Variants in PPP2R3A observed in about 807,000 individuals in gnomAD.
The protein encoded by PPP2R3A is serine/threonine-protein phosphatase 2A regulatory subunit B'' subunit alpha.
A neutral mutation model predicts 106.9 loss-of-function variants in PPP2R3A; 80 were observed. The ratio of observed to expected loss-of-function variants is 0.75; its 90% CI spans 0.62 to 0.90. The LOEUF (loss-of-function observed/expected upper bound fraction) is 0.90. Among genes scored for constraint, PPP2R3A ranks in the 40% least tolerant of loss-of-function variants. PPP2R3A has a pLI of 0.00. For synonymous variants in PPP2R3A, 483 were observed against 468.3 expected (o/e 1.03, Z -0.41); for missense variants, 1,386 against 1,350.4 (o/e 1.03, Z -0.41).
At chr3:135,985,566 C>T (rs555789167) in intron 1 of PPP2R3A, among the ~76,000 whole-genome samples, 2 of 152,258 alleles carry the variant, frequency 1.3e-5, no homozygotes, top group Admixed American at 1.3e-4. Context: ...AGAGAGTAGT[C>T]TTACACCTAA....
At chr3:135,975,505 C>G (rs1937394207) in intron 1 of PPP2R3A, among the ~76,000 whole-genome samples, 1 of 152,150 alleles carries the variant, frequency 6.6e-6, no homozygotes, top group African/African-American at 2.4e-5. Context: ...TAAATACAGT[C>G]TCTTTGCTTT....
chr3:136,011,038 T>C (rs1009869449), intron 2 of PPP2R3A, among the ~76,000 whole-genome samples: 3 of 152,134 alleles, frequency 2.0e-5, no homozygotes, highest in Non-Finnish European at 2.9e-5. Context: ...CTCCTCTTTC[T>C]AAATATACCA....
Position 136,070,676 on chromosome 3 carries a change from G to C in PPP2R3A, c.2544+124G>C, listed in dbSNP as rs956465056. The C allele has an allele frequency of 1.0e-5, 7 of 674,214 alleles. No homozygotes were observed. In the Admixed American group the frequency reaches 2.8e-4, roughly 27 times the overall value. The allele number at this position is 674,214 out of a possible 1,614,324, so 41.8% of individuals were successfully genotyped here. The stretch of plus-strand genomic sequence containing the variant: ...TGGGTTATAATGATTATTTCAAGTG[G>C]AAGGAAGCTAAAATAAAATTGAATT... On this transcript the variant is annotated intron_variant, in intron 6 of 13. Coordinates refer to ENST00000264977, the MANE Select transcript of PPP2R3A (RefSeq NM_002718.5).
At chr3:136,142,712 T>C (rs1270666330) in intron 13 of PPP2R3A, among the ~76,000 whole-genome samples, 2 of 152,194 alleles carry the variant, frequency 1.3e-5, no homozygotes, top group Non-Finnish European at 2.9e-5. Flanking sequence ...TTTTCATCAT[T>C]ATAATCCTAG....
rs1933686955 is a variant in PPP2R3A at position 136,002,791 on chromosome 3, A to G, written c.1293A>G (p.Gln431=). 6.2e-7 allele frequency: 1 copy of G among 1,613,590 alleles called. No individual in the cohort carries two copies. Among genetic ancestry groups the G allele is most frequent in the South Asian group, 1.1e-5 (1 of 90,998 alleles). Residue 431 remains glutamine (Q), a synonymous_variant, in exon 2 of 14, where the codon CAA becomes CAG. Coordinates refer to ENST00000264977, the MANE Select transcript of PPP2R3A (RefSeq NM_002718.5). ...GAAAGAAAGCATTAGATAAAGGACA[A>G]AAGACAGAGAATGGACCTAGTCATG... ...SDGKKALDKG[Q]KTENGPSHEL...
chr3:136,048,668 G>A (rs1384501934), intron 4 of PPP2R3A, among the ~76,000 whole-genome samples: 27 of 145,324 alleles, frequency 1.9e-4, no homozygotes, highest in South Asian at 4.3e-4. Context: ...GCAAAACTCC[G>A]TCTCAAAAAA....
intron 13 of PPP2R3A, among the ~76,000 whole-genome samples, chr3:136,127,664 A>G (rs569683644): frequency 5.1e-4 from 78 of 152,294 alleles, no homozygotes; most frequent in Admixed American, 1.3e-3. Flanking sequence ...TACAGAGAAC[A>G]CCACAAAGAT....
intron 12 of PPP2R3A, among the ~76,000 whole-genome samples, chr3:136,105,782 C>T (rs1253534034): frequency 6.6e-6 from 1 of 151,972 alleles, no homozygotes; most frequent in East Asian, 1.9e-4. Context: ...GCCAACATGG[C>T]GAAACCCTGT....
chr3:136,123,163 G>A (rs1303798868), intron 13 of PPP2R3A, among the ~76,000 whole-genome samples: 1 of 152,066 alleles, frequency 6.6e-6, no homozygotes, highest in African/African-American at 2.4e-5. Flanking sequence ...GGCATAATAA[G>A]GACACAGAAT....
At chr3:136,127,262 A>G (rs143245177) in intron 13 of PPP2R3A, among the ~76,000 whole-genome samples, 1,638 of 152,300 alleles carry the variant, frequency 0.011, 31 homozygotes, top group African/African-American at 0.038. Context: ...GAAGCTAAAA[A>G]CCATGGAAAA....
At chr3:135,994,493 A>G (rs1463853653) in intron 1 of PPP2R3A, among the ~76,000 whole-genome samples, 1 of 151,904 alleles carries the variant, frequency 6.6e-6, no homozygotes, top group African/African-American at 2.4e-5. Context: ...TTAATCCTCT[A>G]CCCTACTCCA....
intron 4 of PPP2R3A, among the ~76,000 whole-genome samples, chr3:136,047,113 A>C (rs562183649): frequency 6.6e-6 from 1 of 152,196 alleles, no homozygotes; most frequent in Admixed American, 6.5e-5. Flanking sequence ...CCTATAACTC[A>C]TTGGCATTCC....
At chr3:136,145,009 A>G in intron 13 of PPP2R3A, 34 bp from the exon 14 acceptor site, 1 of 1,596,908 alleles carries the variant, frequency 6.3e-7, no homozygotes, top group Non-Finnish European at 8.5e-7. Context: ...TTAATCAATC[A>G]ATCAGTTAAT....
At chr3:136,057,077 CA>C (rs34603955) in intron 5 of PPP2R3A, among the ~76,000 whole-genome samples, 40,034 of 150,676 alleles carry the variant, frequency 0.27, 5,589 homozygotes, top group Non-Finnish European at 0.32. Context: ...GGACCCCCCC[CA>C]CACACACCGT....
intron 5 of PPP2R3A, among the ~76,000 whole-genome samples, chr3:136,049,929 C>T (rs4075999): frequency 0.37 from 55,575 of 151,730 alleles, 11,745 homozygotes; most frequent in African/African-American, 0.59. Flanking sequence ...TAACTAGAAT[C>T]AAGTGCATGG....
At chr3:135,972,322 T>A (rs929421631) in intron 1 of PPP2R3A, among the ~76,000 whole-genome samples, 1 of 152,236 alleles carries the variant, frequency 6.6e-6, no homozygotes, top group African/African-American at 2.4e-5. Flanking sequence ...TTTCTTTGGC[T>A]GAATAATACT....
intron 2 of PPP2R3A, among the ~76,000 whole-genome samples, chr3:136,011,163 T>G (rs575484399): frequency 1.6e-4 from 25 of 152,314 alleles, no homozygotes; most frequent in Admixed American, 3.9e-4. Context: ...GAGGCCTTTT[T>G]GCCCTAAAAA....
rs146806560 is a variant in PPP2R3A, at chr3:136,067,857, G to T, written c.2470-2621G>T. 4.6e-3 allele frequency among the ~76,000 whole-genome samples: 707 copies of T among 152,228 alleles called. 7 individuals carry two copies. Among genetic ancestry groups the T allele is most frequent in the African/African-American group, 0.016 (661 of 41,516 alleles). The stretch of plus-strand genomic sequence containing the variant: ...CAAAAGGTTCGTATACCAGAGCTGG[G>T]GCAAGGAAAATACAAGATAAACATG... On this transcript the variant is annotated intron_variant, in intron 5 of 13. Transcript: ENST00000264977.
intron 10 of PPP2R3A, among the ~76,000 whole-genome samples, chr3:136,100,658 T>C (rs1937338774): frequency 6.6e-6 from 1 of 151,168 alleles, no homozygotes. Context: ...GCCTGGGCAA[T>C]AGAGTGATAG....
Sources: gnomAD v4.1 joint callset for allele counts (sites outside exome capture counted in the v4.1 genomes callset) on GRCh38, gnomAD v4.1.1 for gene constraint, MANE v1.5 for transcripts, NCBI Gene and HGNC (gene_info 2026-07-23, HGNC 2026-07-21) for gene names.